The following PTPRD variants were observed in gnomAD, a reference collection of about 807,000 sequenced individuals.
PTPRD encodes protein tyrosine phosphatase receptor type D.
Under a neutral mutation model 214.5 loss-of-function variants are expected in PTPRD, and 34 were observed. The ratio of observed to expected loss-of-function variants is 0.16; its 90% confidence interval spans 0.12 to 0.21. PTPRD has a LOEUF of 0.21. Ranked by LOEUF, PTPRD falls within the 10% of genes least tolerant of loss-of-function variation. PTPRD has a pLI of 1.00. For synonymous variants in PTPRD, 1,128 were observed against 845.7 expected, an observed-to-expected ratio of 1.33 and a Z score of -5.79; for missense variants, 2,545 against 2,398.7, an observed-to-expected ratio of 1.06 and a Z score of -1.27.
intron 3 of PTPRD, among the ~76,000 whole-genome samples, chr9:10,128,814 T>C (rs291303): frequency 0.72 from 109,179 of 151,984 alleles, 39,988 homozygotes; most frequent in Middle Eastern, 0.89. Flanking sequence ...TTTGAAACAC[T>C]TAATAGTACT....
intron 34 of PTPRD, among the ~76,000 whole-genome samples, chr9:8,440,222 C>T (rs1371094698): frequency 6.6e-6 from 1 of 151,976 alleles, no homozygotes; most frequent in Non-Finnish European, 1.5e-5. Flanking sequence ...CTATTATTGG[C>T]AGCAAAGAAC....
In PTPRD at chr9:9,018,682, T is replaced by C. The variant is rs1046376236; in HGVS notation, c.-104+15A>G. 9 of 152,206 alleles carry C rather than the reference T, an allele frequency of 5.9e-5. No homozygotes were observed. Among genetic ancestry groups the C allele is most frequent in the African/African-American group, 2.2e-4 (9 of 41,456 alleles). The allele number at this position is 152,206 out of a possible 1,614,324, so 9.4% of individuals were successfully genotyped here. A position where few individuals can be genotyped will look rare whatever the true frequency, so the allele number is the denominator to read the frequency against. ...TGAAAGCCAGGCACACAACCCAGTA[T>C]GCTTTAAATCTTACTTGTTCTTTAG... On this transcript the variant is annotated intron_variant, in intron 11 of 45. Coordinates refer to ENST00000381196, the MANE Select transcript of PTPRD (RefSeq NM_002839.4).
intron 7 of PTPRD, among the ~76,000 whole-genome samples, chr9:9,722,772 C>G (rs2097984435): frequency 6.6e-6 from 1 of 152,000 alleles, no homozygotes; most frequent in Admixed American, 6.6e-5. Context: ...GGGTGAGAAG[C>G]AGTACCTTGT....
At chr9:8,654,743 A>G (rs1486222788) in intron 12 of PTPRD, among the ~76,000 whole-genome samples, 1 of 152,176 alleles carries the variant, frequency 6.6e-6, no homozygotes, top group Non-Finnish European at 1.5e-5. Flanking sequence ...TTTTTGGTAA[A>G]AAATAAACTT....
chr9:9,601,188 G>A (rs1287873757), intron 7 of PTPRD, among the ~76,000 whole-genome samples: 3 of 150,232 alleles, frequency 2.0e-5, no homozygotes, highest in African/African-American at 4.9e-5. Context: ...GAGAAAGAAA[G>A]AGATTTGGAA....
intron 35 of PTPRD, among the ~76,000 whole-genome samples, chr9:8,432,394 G>C (rs1339022068): frequency 6.6e-6 from 1 of 152,226 alleles, no homozygotes; most frequent in Non-Finnish European, 1.5e-5. Flanking sequence ...AGTACAGGAA[G>C]TGTCTCATAG....
chr9:8,638,691 C>T (rs938413198), intron 12 of PTPRD, among the ~76,000 whole-genome samples: 1 of 151,970 alleles, frequency 6.6e-6, no homozygotes, highest in Non-Finnish European at 1.5e-5. Flanking sequence ...GAACTGCGGG[C>T]CTGCTTATGT....
chr9:8,558,864 C>T (rs553966880), intron 14 of PTPRD, among the ~76,000 whole-genome samples: 1 of 152,090 alleles, frequency 6.6e-6, no homozygotes, highest in Non-Finnish European at 1.5e-5. Flanking sequence ...TGGTGCTTGG[C>T]ATTCTAAAAA....
At chr9:8,619,055 C>T (rs982158568) in intron 14 of PTPRD, among the ~76,000 whole-genome samples, 2 of 151,244 alleles carry the variant, frequency 1.3e-5, no homozygotes, top group African/African-American at 4.9e-5. Context: ...CCACTGCACC[C>T]AGCCATACAT....
chr9:10,086,770 G>T (rs1201556033), intron 3 of PTPRD, among the ~76,000 whole-genome samples: 1 of 151,800 alleles, frequency 6.6e-6, no homozygotes, highest in African/African-American at 2.4e-5. Context: ...CAACTTCGCT[G>T]TTGCAACTTT....
intron 2 of PTPRD, among the ~76,000 whole-genome samples, chr9:10,532,610 A>C (rs1454066804): frequency 6.8e-6 from 1 of 147,694 alleles, no homozygotes; most frequent in African/African-American, 2.5e-5. Context: ...TAAATCCTAT[A>C]TATATTAGAT....
chr9:8,653,268 G>A (rs1422194332), intron 12 of PTPRD, among the ~76,000 whole-genome samples: 4 of 151,990 alleles, frequency 2.6e-5, no homozygotes, highest in African/African-American at 9.7e-5. Context: ...TGGCCTCTGG[G>A]GGCTGCCAGA....
intron 11 of PTPRD, among the ~76,000 whole-genome samples, chr9:8,762,559 G>A (rs1180137372): frequency 6.6e-6 from 1 of 152,028 alleles, no homozygotes; most frequent in Non-Finnish European, 1.5e-5. Flanking sequence ...AGGAGAGAAA[G>A]CAATACAAAC....
intron 7 of PTPRD, among the ~76,000 whole-genome samples, chr9:9,604,636 T>A (rs1428702858): frequency 6.6e-6 from 1 of 152,076 alleles, no homozygotes; most frequent in Admixed American, 6.6e-5. Flanking sequence ...TACTACTACA[T>A]TTTATTTTGT....
intron 9 of PTPRD, among the ~76,000 whole-genome samples, chr9:9,186,084 A>G (rs2099931273): frequency 6.6e-6 from 1 of 152,122 alleles, no homozygotes; most frequent in Non-Finnish European, 1.5e-5. Flanking sequence ...CAAATTATTA[A>G]GAAGTCCCAT....
chr9:9,232,554 T>C (rs1594150060), intron 9 of PTPRD, among the ~76,000 whole-genome samples: 1 of 152,184 alleles, frequency 6.6e-6, no homozygotes, highest in South Asian at 2.1e-4. Context: ...AAATTTATTC[T>C]GGAAGTAATA....
In PTPRD at chr9:8,329,945, TGG is replaced by T. The variant is rs1563973563; in HGVS notation, c.5534+1635_5534+1636del. Among the ~76,000 whole-genome samples the T allele has an allele frequency of 1.8e-4, 10 of 55,242 alleles. No homozygotes were observed. The African/African-American group carries it at 4.8e-3, about 26-fold the overall frequency. 36.2% of individuals were successfully genotyped at this position (55,242 alleles called of 152,430 possible). A position where few individuals can be genotyped will look rare whatever the true frequency, so the allele number is the denominator to read the frequency against. ...TTCAAGCCAGTGGATCGTATCTTGC[TGG>T]GCTCTGTGGGAGTGGATCGTATCTT... is the stretch of plus-strand genomic sequence containing the variant. On this transcript the variant is annotated intron_variant, in intron 44 of 45. Coordinates refer to ENST00000381196, the MANE Select transcript of PTPRD (RefSeq NM_002839.4).
chr9:8,369,395 T>C (rs1024142322), intron 39 of PTPRD, among the ~76,000 whole-genome samples: 3 of 151,974 alleles, frequency 2.0e-5, no homozygotes, highest in Non-Finnish European at 4.4e-5. Flanking sequence ...TGCTTCCATA[T>C]GCAAAGTCAA....
chr9:9,683,648 G>T (rs1191424715), intron 7 of PTPRD, among the ~76,000 whole-genome samples: 1 of 151,496 alleles, frequency 6.6e-6, no homozygotes, highest in Non-Finnish European at 1.5e-5. Context: ...AGATTTATTG[G>T]CATGCTGCAT....
Sources: allele counts gnomAD v4.1 joint callset (sites outside exome capture counted in the v4.1 genomes callset), GRCh38; gene constraint gnomAD v4.1.1; transcripts MANE v1.5; gene names NCBI Gene and HGNC (gene_info 2026-07-23, HGNC 2026-07-21).